Variants in IL1RL1 observed in about 807,000 individuals in gnomAD.
The protein encoded by IL1RL1 is interleukin 1 receptor like 1, also known as interleukin-1 receptor-like 1.
Under a neutral mutation model 50.9 loss-of-function variants are expected in IL1RL1, and 32 were observed. The observed-to-expected ratio is 0.63, with a 90% CI of 0.47 to 0.84. The LOEUF (loss-of-function observed/expected upper bound fraction) is 0.84, where lower values mean the gene tolerates loss of function less well. Among genes scored for constraint, IL1RL1 ranks in the 40% least tolerant of loss-of-function variants. The pLI is 0.00. For synonymous variants in IL1RL1, 275 were observed against 236.0 expected, an observed-to-expected ratio of 1.17 and a Z score of -1.51; for missense variants, 773 against 662.9, an observed-to-expected ratio of 1.17 and a Z score of -1.82.
In IL1RL1 at chr2:102,311,874, T is replaced by TATATAATATAATTATATAATATATATA. The variant is rs1559591866; in HGVS notation, c.-150+263_-150+264insTATATAATATATATAATATAATATAAT. 2.4e-4 allele frequency among the ~76,000 whole-genome samples: 14 copies of TATATAATATAATTATATAATATATATA among 57,682 alleles called. 1 individual carries two copies. The highest frequency in any genetic ancestry group is 4.3e-4 in the Non-Finnish European group (14 of 32,940). 37.8% of individuals were successfully genotyped at this position (57,682 alleles called of 152,430 possible). A position where few individuals can be genotyped will look rare whatever the true frequency, so the allele number is the denominator to read the frequency against. On this transcript the variant is annotated intron_variant, in intron 1 of 10. Coordinates refer to ENST00000233954, the MANE Select transcript of IL1RL1 (RefSeq NM_016232.5). ...TATAATATAATTATATAATATATAT[T>TATATAATATAATTATATAATATATATA]ATATAATATAATATATAATATATCA... is the stretch of plus-strand genomic sequence containing the variant.
chr2:102,324,962 G>T (rs1018044917), intron 1 of IL1RL1, among the ~76,000 whole-genome samples: 3 of 152,204 alleles, frequency 2.0e-5, no homozygotes, highest in African/African-American at 7.2e-5. Context: ...AGAAACCTCT[G>T]CAGACTTAAA....
chr2:102,346,421 C>T (rs1164799373), intron 8 of IL1RL1, among the ~76,000 whole-genome samples: 2 of 152,190 alleles, frequency 1.3e-5, no homozygotes, highest in Non-Finnish European at 2.9e-5. Context: ...TATGTGTATA[C>T]AGAAAGTAAT....
chr2:102,335,029 T>C (rs992849853), intron 1 of IL1RL1, among the ~76,000 whole-genome samples: 2 of 152,174 alleles, frequency 1.3e-5, no homozygotes, highest in Admixed American at 6.5e-5. Flanking sequence ...GAGATTAATC[T>C]GAAAAGGGAG....
Position 102,340,705 on chromosome 2 carries a change from A to G in IL1RL1, c.487A>G (p.Lys163Glu). Residue 163 changes from lysine to glutamate, a missense_variant, in exon 5 of 11, where the codon AAG becomes GAG. Physicochemically the swap from Lys to Glu is moderately conservative, Grantham distance 56. Transcript: ENST00000233954. Reference sequence around the variant, plus strand: ...TCAAGGATCAAGGTACAGGGCGCACAAGTCATTTTTGGTCATTGATAATGT... The same window carrying G: ...TCAAGGATCAAGGTACAGGGCGCACGAGTCATTTTTGGTCATTGATAATGT... ...ALQGSRYRAHKSFLVIDNVMT... is the reference protein window; with the variant it reads ...ALQGSRYRAHESFLVIDNVMT... The G allele has an allele frequency of 6.2e-7, 1 of 1,600,024 alleles. No homozygotes were observed. The highest frequency in any genetic ancestry group is 8.5e-7 in the Non-Finnish European group (1 of 1,176,200).
chr2:102,344,090 C>T (rs1423230148), intron 8 of IL1RL1: 1 of 205,056 alleles, frequency 4.9e-6, no homozygotes, highest in Admixed American at 6.4e-5. Flanking sequence ...GAGCTTTACT[C>T]ATGGCAGAAG....
intron 5 of IL1RL1, among the ~76,000 whole-genome samples, chr2:102,341,652 T>C (rs796575069): frequency 1.1e-4 from 16 of 152,264 alleles, no homozygotes; most frequent in African/African-American, 3.6e-4. Context: ...TATCAACCCT[T>C]ACAGTGGTCC....
chr2:102,342,913 G>C, intron 6 of IL1RL1, 123 bp from the exon 7 acceptor site: 2 of 847,238 alleles, frequency 2.4e-6, no homozygotes, highest in South Asian at 1.6e-5. Context: ...CTAGAGATGA[G>C]GGAGGGAGGT....
chr2:102,336,713 A>G (rs1677339834), intron 1 of IL1RL1, among the ~76,000 whole-genome samples: 1 of 151,890 alleles, frequency 6.6e-6, no homozygotes, highest in African/African-American at 2.4e-5. Flanking sequence ...TCATCCAGGC[A>G]GAGAGGCCTA....
At chr2:102,327,781 T>C (rs1480343544) in intron 1 of IL1RL1, among the ~76,000 whole-genome samples, 4 of 152,294 alleles carry the variant, frequency 2.6e-5, no homozygotes, top group East Asian at 3.9e-4. Context: ...CCTGTTCACA[T>C]ACACTCTCCC....
At chr2:102,342,402 T>C in intron 6 of IL1RL1, 108 bp downstream of exon 6, 1 of 738,380 alleles carries the variant, frequency 1.4e-6, no homozygotes, top group Admixed American at 2.2e-5. Flanking sequence ...ATAAGGAACC[T>C]TGAGGAGTAA....
Position 102,340,601 on chromosome 2 carries a change from C to G in IL1RL1, c.448-65C>G, listed in dbSNP as rs1677516873. On this transcript the variant is annotated intron_variant, in intron 4 of 10. Transcript: ENST00000233954. Reference sequence around the variant, plus strand: ...CACTCCAGCCTAGGCAACAAACATTCTGTCAACAGATAAATAAATAAAAGT... The same window carrying G: ...CACTCCAGCCTAGGCAACAAACATTGTGTCAACAGATAAATAAATAAAAGT... The G allele has an allele frequency of 2.0e-6, 3 of 1,512,000 alleles. No individual in the cohort carries two copies. The South Asian group carries it at 3.6e-5, about 18-fold the overall frequency. The allele number at this position is 1,512,000 out of a possible 1,614,324, so 93.7% of individuals were successfully genotyped here. A position where few individuals can be genotyped will look rare whatever the true frequency, so the allele number is the denominator to read the frequency against.
Position 102,349,089 on chromosome 2 carries a change from C to G in IL1RL1, c.1128C>G (p.Leu376=). 2 of 1,613,134 alleles carry G rather than the reference C, an allele frequency of 1.2e-6. No homozygotes were observed. Among genetic ancestry groups the G allele is most frequent in the Non-Finnish European group, 1.7e-6 (2 of 1,179,170 alleles). ...KPYKTRNDGK[L]YDAYVVYPRN... Reference sequence around the variant, plus strand: ...TGTTTTCATTTTCAGATGGAAAGCTCTATGATGCTTATGTTGTCTACCCAC... The same window carrying G: ...TGTTTTCATTTTCAGATGGAAAGCTGTATGATGCTTATGTTGTCTACCCAC... The change falls in exon 10 of 11, where the codon CTC becomes CTG. Residue 376 remains leucine, a synonymous_variant. Coordinates refer to ENST00000233954, the MANE Select transcript of IL1RL1 (RefSeq NM_016232.5).
At chr2:102,333,428 A>G (rs1347461085) in intron 1 of IL1RL1, among the ~76,000 whole-genome samples, 1 of 152,200 alleles carries the variant, frequency 6.6e-6, no homozygotes, top group East Asian at 1.9e-4. Flanking sequence ...GCCAACATTC[A>G]GCATGGAGTT....
rs747378678 is a variant in IL1RL1 at position 102,342,207 on chromosome 2, T to G, written c.611-16T>G. ...TCAATGCTCTCCTAATATTTATATT[T>G]CTTTTTGTCTTTAAGATGAGCAAGG... On this transcript the variant is annotated splice_polypyrimidine_tract_variant and intron_variant, in intron 5 of 10. Transcript: ENST00000233954. 1 of 1,573,912 alleles carries G rather than the reference T, an allele frequency of 6.4e-7. No homozygotes were observed. Among genetic ancestry groups the G allele is most frequent in the Non-Finnish European group, 8.7e-7 (1 of 1,144,364 alleles).
chr2:102,321,399 G>A (rs191929274), intron 1 of IL1RL1, among the ~76,000 whole-genome samples: 1 of 152,134 alleles, frequency 6.6e-6, no homozygotes, highest in Non-Finnish European at 1.5e-5. Flanking sequence ...CTCACTGGTT[G>A]TCTGGGTTCA....
intron 4 of IL1RL1, 125 bp from the exon 5 acceptor site, chr2:102,340,541 A>C: frequency 1.0e-6 from 1 of 955,544 alleles, no homozygotes; most frequent in Non-Finnish European, 1.6e-6. Flanking sequence ...TGAACCTAGA[A>C]GGCAGAGGTT....
chr2:102,334,700 T>C (rs551023803), intron 1 of IL1RL1, among the ~76,000 whole-genome samples: 1 of 152,196 alleles, frequency 6.6e-6, no homozygotes, highest in Admixed American at 6.5e-5. Flanking sequence ...CTTTTGACAC[T>C]GGTTTACAGT....
rs530345931 is a variant in IL1RL1, at chr2:102,344,738, TG to T, written c.970+1324del. 340 of 942,948 alleles carry T rather than the reference TG, an allele frequency of 3.6e-4. 1 individual carries two copies. In the African/African-American group the frequency reaches 4.1e-3, roughly 11 times the overall value. The allele number at this position is 942,948 out of a possible 1,614,324, so 58.4% of individuals were successfully genotyped here. ...GCACAACCAAATTATTGATACCAAA[TG>T]TTTTTTTTGTGTACATTTCTACTTC... On this transcript the variant is annotated intron_variant, in intron 8 of 10. Transcript: ENST00000233954.
At chr2:102,323,708 AC>A (rs1676908172) in intron 1 of IL1RL1, among the ~76,000 whole-genome samples, 1 of 151,976 alleles carries the variant, frequency 6.6e-6, no homozygotes, top group Non-Finnish European at 1.5e-5. Context: ...TGAGGGATCC[AC>A]CCCCATGACC....
Sources: gnomAD v4.1 joint callset for allele counts (sites outside exome capture counted in the v4.1 genomes callset) on GRCh38, gnomAD v4.1.1 for gene constraint, MANE v1.5 for transcripts, NCBI Gene and HGNC (gene_info 2026-07-23, HGNC 2026-07-21) for gene names.